Variants in STXBP5L observed in about 807,000 individuals in gnomAD.
The protein encoded by STXBP5L is syntaxin binding protein 5L.
STXBP5L carries 65 observed loss-of-function variants against 144.5 expected under a neutral mutation model. The ratio of observed to expected loss-of-function variants is 0.45; its 90% CI spans 0.37 to 0.55. The LOEUF (loss-of-function observed/expected upper bound fraction) is 0.55, where lower values mean the gene tolerates loss of function less well. STXBP5L is among the 20% of genes least tolerant of loss of function. STXBP5L has a pLI of 0.00. For missense variants in STXBP5L, 1,298 were observed against 1,405.5 expected (o/e 0.92, Z 1.22); for synonymous variants, 505 against 469.6 (o/e 1.08, Z -0.97).
chr3:121,021,452 C>G (rs1026742804), intron 3 of STXBP5L, among the ~76,000 whole-genome samples: 1 of 152,168 alleles, frequency 6.6e-6, no homozygotes, highest in Non-Finnish European at 1.5e-5. Flanking sequence ...TACCCAACAA[C>G]TGCAGAATAT....
intron 5 of STXBP5L, among the ~76,000 whole-genome samples, chr3:121,072,342 T>C (rs1270025985): frequency 1.3e-5 from 2 of 152,240 alleles, no homozygotes; most frequent in African/African-American, 4.8e-5. Flanking sequence ...GGGGCCGTGT[T>C]GGCCGCTGCC....
intron 3 of STXBP5L, among the ~76,000 whole-genome samples, chr3:121,021,389 A>C (rs765838855): frequency 3.9e-5 from 6 of 152,142 alleles, no homozygotes; most frequent in Non-Finnish European, 7.4e-5. Context: ...GAAACAATGG[A>C]CTTAAACTAT....
At chr3:121,007,822 A>T (rs1300240806) in intron 3 of STXBP5L, among the ~76,000 whole-genome samples, 1 of 152,064 alleles carries the variant, frequency 6.6e-6, no homozygotes, top group Non-Finnish European at 1.5e-5. Flanking sequence ...GGATACTGAC[A>T]GCATCTTCTA....
intron 3 of STXBP5L, among the ~76,000 whole-genome samples, chr3:120,963,364 G>C (rs1015060201): frequency 2.0e-5 from 3 of 152,198 alleles, no homozygotes; most frequent in Non-Finnish European, 2.9e-5. Flanking sequence ...AGTTTTCAAA[G>C]GGAATGCTTC....
chr3:121,355,740 G>A (rs1280251613), intron 20 of STXBP5L, among the ~76,000 whole-genome samples: 2 of 152,154 alleles, frequency 1.3e-5, no homozygotes, highest in African/African-American at 4.8e-5. Flanking sequence ...CTGGCGAGGA[G>A]CTGCAATCCT....
chr3:121,186,108 T>G (rs2047371073), intron 9 of STXBP5L, among the ~76,000 whole-genome samples: 2 of 152,206 alleles, frequency 1.3e-5, no homozygotes, highest in South Asian at 4.1e-4. Context: ...TGTCTGTTAT[T>G]GGTGTATAAG....
chr3:120,923,546 T>C (rs1378000310), intron 2 of STXBP5L, among the ~76,000 whole-genome samples: 1 of 152,056 alleles, frequency 6.6e-6, no homozygotes, highest in Non-Finnish European at 1.5e-5. Context: ...CCATTTTCAT[T>C]TGTTTCAAGA....
At chr3:121,320,148 C>T (rs373128036) in intron 20 of STXBP5L, among the ~76,000 whole-genome samples, 42 of 152,094 alleles carry the variant, frequency 2.8e-4, no homozygotes, top group South Asian at 2.1e-4. Context: ...TTGAATTTTT[C>T]GTTTAGTATC....
In STXBP5L at chr3:121,096,574, T is replaced by C. The variant is rs375187332; in HGVS notation, c.471-18351T>C. 5.3e-5 allele frequency among the ~76,000 whole-genome samples: 8 copies of C among 152,272 alleles called. 1 individual carries two copies. The highest frequency in any genetic ancestry group is 1.7e-4 in the African/African-American group (7 of 41,560). ...GTGCTATTCGTTTCTGTTTGTTAGT[T>C]TTTCTTCCAACAGTCAGGCCCCTCT... On this transcript the variant is annotated intron_variant, in intron 5 of 26. Transcript: ENST00000471454.
intron 2 of STXBP5L, among the ~76,000 whole-genome samples, chr3:120,935,547 G>T (rs1415218293): frequency 2.0e-5 from 3 of 151,938 alleles, no homozygotes; most frequent in African/African-American, 7.2e-5. Flanking sequence ...TTTCTTGCAA[G>T]GAAGATCTAC....
chr3:121,122,079 C>T, intron 7 of STXBP5L, among the ~76,000 whole-genome samples: 1 of 150,896 alleles, frequency 6.6e-6, no homozygotes, highest in Admixed American at 6.6e-5. Context: ...CATAAATTAG[C>T]CAATCTTGAT....
intron 2 of STXBP5L, among the ~76,000 whole-genome samples, chr3:120,953,047 G>T (rs1711373454): frequency 6.6e-6 from 1 of 151,664 alleles, no homozygotes; most frequent in Non-Finnish European, 1.5e-5. Flanking sequence ...TGATCCACCT[G>T]CCTTGACCTC....
intron 3 of STXBP5L, among the ~76,000 whole-genome samples, chr3:120,973,483 G>A (rs1381830943): frequency 6.6e-6 from 1 of 151,616 alleles, no homozygotes; most frequent in Non-Finnish European, 1.5e-5. Context: ...GGTTAATCTA[G>A]CTAGCAGTCT....
chr3:121,078,771 T>G (rs1184078605), intron 5 of STXBP5L, among the ~76,000 whole-genome samples: 1 of 152,244 alleles, frequency 6.6e-6, no homozygotes, highest in Non-Finnish European at 1.5e-5. Context: ...GGGGACCCAG[T>G]ACACCCTCCG....
intron 3 of STXBP5L, among the ~76,000 whole-genome samples, chr3:121,006,230 G>A (rs141155545): frequency 9.9e-5 from 15 of 152,168 alleles, no homozygotes; most frequent in Non-Finnish European, 8.8e-5. Flanking sequence ...GTGAATCTGG[G>A]TGCCCCTGTA....
intron 9 of STXBP5L, among the ~76,000 whole-genome samples, chr3:121,178,072 A>G (rs1054479587): frequency 6.6e-6 from 1 of 152,178 alleles, no homozygotes; most frequent in African/African-American, 2.4e-5. Context: ...TACCTATACT[A>G]TCAAATTCAC....
At chr3:121,143,889 C>T (rs568978644) in intron 7 of STXBP5L, among the ~76,000 whole-genome samples, 1 of 151,666 alleles carries the variant, frequency 6.6e-6, no homozygotes, top group South Asian at 2.1e-4. Context: ...GTAGAAAAAA[C>T]GTAGAAGAAA....
intron 10 of STXBP5L, among the ~76,000 whole-genome samples, chr3:121,212,377 T>C (rs1577224316): frequency 6.6e-6 from 1 of 152,120 alleles, no homozygotes; most frequent in Non-Finnish European, 1.5e-5. Flanking sequence ...ATCCATCTTG[T>C]GCTAATTTTT....
intron 9 of STXBP5L, among the ~76,000 whole-genome samples, chr3:121,191,518 G>A (rs549717958): frequency 6.6e-6 from 1 of 152,182 alleles, no homozygotes; most frequent in Non-Finnish European, 1.5e-5. Context: ...GGGCATCAGA[G>A]GGAGACTGTG....
Sources: allele counts gnomAD v4.1 joint callset (sites outside exome capture counted in the v4.1 genomes callset), GRCh38; gene constraint gnomAD v4.1.1; transcripts MANE v1.5; gene names NCBI Gene and HGNC (gene_info 2026-07-23, HGNC 2026-07-21).